MMP11: variants seen among roughly 807,000 people sequenced by gnomAD.
The protein encoded by MMP11 is matrix metallopeptidase 11.
MMP11 carries 26 observed loss-of-function variants against 49.5 expected under a neutral mutation model. The ratio of observed to expected loss-of-function variants is 0.52; its 90% CI spans 0.38 to 0.73. The LOEUF (loss-of-function observed/expected upper bound fraction) is 0.73, where lower values mean the gene tolerates loss of function less well. MMP11 is among the 30% of genes least tolerant of loss of function. The probability of loss-of-function intolerance (pLI) is 0.00; values close to 1 mark genes in which losing one functional copy is unlikely to be tolerated. For missense variants in MMP11, 624 were observed against 671.2 expected, an observed-to-expected ratio of 0.93 and a Z score of 0.78; for synonymous variants, 265 against 282.3, an observed-to-expected ratio of 0.94 and a Z score of 0.62.
In MMP11 at chr22:23,783,643, G is replaced by A. The variant is rs1421338584; in HGVS notation, c.*99G>A. Reference sequence around the variant, plus strand: ...CTTTGTGGCTGTGGGCACCAGGCATGGGACTGAGCCCATGTCTCCTCAGGG... The same window carrying A: ...CTTTGTGGCTGTGGGCACCAGGCATAGGACTGAGCCCATGTCTCCTCAGGG... On this transcript the variant is annotated 3_prime_UTR_variant, in exon 8 of 8. Coordinates refer to ENST00000215743, the MANE Select transcript of MMP11 (RefSeq NM_005940.5). 1 of 1,511,044 alleles carries A rather than the reference G, an allele frequency of 6.6e-7. No individual in the cohort carries two copies. The highest frequency in any genetic ancestry group is 9.1e-7 in the Non-Finnish European group (1 of 1,097,186). The allele number at this position is 1,511,044 out of a possible 1,614,324, so 93.6% of individuals were successfully genotyped here.
Position 23,772,981 on chromosome 22 carries a change from G to T in MMP11, c.108+3G>T. On this transcript the variant is annotated splice_donor_region_variant and intron_variant, in intron 1 of 7. Transcript: ENST00000215743. ...TGCTGGCCCGGGCTCTGCCGCCGGTGAGTGCCCGCCACTCGCCGGCCGCTC... is the reference window on the plus strand; with the variant it reads ...TGCTGGCCCGGGCTCTGCCGCCGGTTAGTGCCCGCCACTCGCCGGCCGCTC... 1 of 1,198,150 alleles carries T rather than the reference G, an allele frequency of 8.3e-7. No homozygotes were observed. The highest frequency in any genetic ancestry group is 1.0e-6 in the Non-Finnish European group (1 of 964,576). The allele number at this position is 1,198,150 out of a possible 1,614,324, so 74.2% of individuals were successfully genotyped here. A position where few individuals can be genotyped will look rare whatever the true frequency, so the allele number is the denominator to read the frequency against.
intron 1 of MMP11, among the ~76,000 whole-genome samples, chr22:23,774,567 G>A (rs571531709): frequency 2.7e-4 from 41 of 152,128 alleles, no homozygotes; most frequent in Non-Finnish European, 4.9e-4. Flanking sequence ...GCAGAGGGGT[G>A]AGAATAGGAA....
intron 1 of MMP11, among the ~76,000 whole-genome samples, chr22:23,773,362 C>G (rs1395452059): frequency 6.6e-6 from 1 of 152,210 alleles, no homozygotes; most frequent in Non-Finnish European, 1.5e-5. Context: ...AGGCAGGTGT[C>G]AGCCTGCAGG....
chr22:23,774,893 A>C (rs975411407), intron 1 of MMP11, among the ~76,000 whole-genome samples: 14 of 152,144 alleles, frequency 9.2e-5, no homozygotes, highest in African/African-American at 3.4e-4. Context: ...TCTGGATTGC[A>C]AGTTGACCCC....
Position 23,783,785 on chromosome 22 carries a change from G to A in MMP11, c.*241G>A, listed in dbSNP as rs1601377352. The A allele has an allele frequency of 5.3e-6, 3 of 569,884 alleles. No individual in the cohort carries two copies. Among genetic ancestry groups the A allele is most frequent in the Non-Finnish European group, 9.4e-6 (3 of 318,436 alleles). The allele number at this position is 569,884 out of a possible 1,614,324, so 35.3% of individuals were successfully genotyped here. A position where few individuals can be genotyped will look rare whatever the true frequency, so the allele number is the denominator to read the frequency against. On this transcript the variant is annotated 3_prime_UTR_variant, in exon 8 of 8. Transcript: ENST00000215743. ...AGGCTTTGGCATGACTTAAGAGGAA[G>A]GGCAGTCTTGGGCCCGCTATGCAGG...
intron 6 of MMP11, chr22:23,781,954 C>T (rs1277298148): frequency 7.4e-6 from 5 of 676,902 alleles, no homozygotes; most frequent in Non-Finnish European, 1.4e-5. Flanking sequence ...CAGCCAAATG[C>T]CAGTGGAAGG....
At position 23,779,662 on chromosome 22, in the gene MMP11, G is replaced by T. The variant is rs572385875; in HGVS notation, c.338+246G>T. 12 of 563,638 alleles carry T rather than the reference G, an allele frequency of 2.1e-5. No homozygotes were observed. In the East Asian group the frequency reaches 3.5e-4, roughly 16 times the overall value. 34.9% of individuals were successfully genotyped at this position (563,638 alleles called of 1,614,324 possible). ...AGCCTCCGTCATCATGCAAAGAGTC[G>T]CAGCACATGCCTGCGGACGGGTGTT... is the stretch of plus-strand genomic sequence containing the variant. On this transcript the variant is annotated intron_variant, in intron 2 of 7. Transcript: ENST00000215743.
At position 23,781,341 on chromosome 22, in the gene MMP11, G is replaced by A; in HGVS notation, c.1007G>A (p.Trp336Ter). The change falls in exon 6 of 8, where the codon TGG becomes TAG. Residue 336 changes from tryptophan (W) to a stop codon, truncating the protein, a stop_gained. Coordinates refer to ENST00000215743, the MANE Select transcript of MMP11 (RefSeq NM_005940.5). LOFTEE classifies it high-confidence loss of function. ...TACCCAGCATTGGCCTCTCGCCACT[G>A]GCAGGGACTGCCCAGCCCTGTGGAC... ...PGYPALASRH[W>*]QGLPSPVDAA... 6.2e-7 allele frequency: 1 copy of A among 1,613,474 alleles called. No individual in the cohort carries two copies. Among genetic ancestry groups the A allele is most frequent in the Non-Finnish European group, 8.5e-7 (1 of 1,179,918 alleles).
intron 5 of MMP11, 33 bp from the exon 6 acceptor site, chr22:23,781,160 G>T: frequency 6.2e-7 from 1 of 1,609,126 alleles, no homozygotes. Flanking sequence ...TGCAGCATAT[G>T]CCCTCAGCAT....
intron 1 of MMP11, among the ~76,000 whole-genome samples, chr22:23,774,229 T>A (rs1263230311): frequency 6.6e-6 from 1 of 152,188 alleles, no homozygotes; most frequent in East Asian, 1.9e-4. Context: ...TGGTGCCTAC[T>A]GCTGTGTCCA....
At position 23,772,859 on chromosome 22, in the gene MMP11, G is replaced by A; in HGVS notation, c.-12G>A. The A allele has an allele frequency of 8.7e-7, 1 of 1,152,046 alleles. No homozygotes were observed. Among genetic ancestry groups the A allele is most frequent in the Non-Finnish European group, 1.1e-6 (1 of 936,862 alleles). The allele number at this position is 1,152,046 out of a possible 1,614,324, so 71.4% of individuals were successfully genotyped here. A position where few individuals can be genotyped will look rare whatever the true frequency, so the allele number is the denominator to read the frequency against. On this transcript the variant is annotated 5_prime_UTR_variant, in exon 1 of 8. Transcript: ENST00000215743. The stretch of plus-strand genomic sequence containing the variant: ...CCGGAGCGGCCCAGCAAGCCCAGCA[G>A]CCCCGGGGCGGATGGCTCCGGCCGC...
At chr22:23,783,279 C>G in intron 7 of MMP11, 132 bp from the exon 8 acceptor site, 1 of 1,074,036 alleles carries the variant, frequency 9.3e-7, no homozygotes, top group Non-Finnish European at 1.3e-6. Context: ...TCCTGCAGGA[C>G]TCGAGGAACT....
chr22:23,780,575 T>A lies in MMP11; in HGVS notation c.483-7T>A. 1 of 1,608,472 alleles carries A rather than the reference T, an allele frequency of 6.2e-7. No individual in the cohort carries two copies. Among genetic ancestry groups the A allele is most frequent in the African/African-American group, 1.3e-5 (1 of 74,908 alleles). ...CAGCCACTGACCCCGCCCCCACCCA[T>A]CTGTAGGTACTGGCATGGGGACGAC... On this transcript the variant is annotated splice_region_variant and splice_polypyrimidine_tract_variant and intron_variant, in intron 3 of 7. Coordinates refer to ENST00000215743, the MANE Select transcript of MMP11 (RefSeq NM_005940.5). The surrounding 1 kb of genome is among the most constrained non-coding windows in gnomAD (Gnocchi z 4.6).
chr22:23,775,932 C>T (rs1927395996), intron 1 of MMP11, among the ~76,000 whole-genome samples: 1 of 152,198 alleles, frequency 6.6e-6, no homozygotes, highest in East Asian at 1.9e-4. Context: ...TCATGTAGCC[C>T]TTTGCTGTGG....
chr22:23,781,908 GCAGGGGCC>G, intron 6 of MMP11: 1 of 655,834 alleles, frequency 1.5e-6, no homozygotes. Context: ...AGTCCAGCCT[GCAGGGGCC>G]CAGGGAGTGG....
Position 23,772,938 on chromosome 22 carries a change from T to TGCTCCAGCCGCCGCC in MMP11, c.72_86dup (p.Gln25_Leu29dup). On this transcript the variant is annotated inframe_insertion, in exon 1 of 8. Coordinates refer to ENST00000215743, the MANE Select transcript of MMP11 (RefSeq NM_005940.5). Reference sequence around the variant, plus strand: ...CTCCTGCCCCCGATGCTGCTGCTGCTGCTCCAGCCGCCGCCGCTGCTGGCC... The same window carrying TGCTCCAGCCGCCGCC: ...CTCCTGCCCCCGATGCTGCTGCTGCTGCTCCAGCCGCCGCCGCTCCAGCCGCCGCCGCTGCTGGCC... 1.6e-6 allele frequency: 2 copies of TGCTCCAGCCGCCGCC among 1,215,124 alleles called. No homozygotes were observed. Among genetic ancestry groups the TGCTCCAGCCGCCGCC allele is most frequent in the Non-Finnish European group, 2.1e-6 (2 of 973,468 alleles). The allele number at this position is 1,215,124 out of a possible 1,614,324, so 75.3% of individuals were successfully genotyped here. A position where few individuals can be genotyped will look rare whatever the true frequency, so the allele number is the denominator to read the frequency against.
chr22:23,779,662 GC>G, intron 2 of MMP11: 1 of 563,638 alleles, frequency 1.8e-6, no homozygotes, highest in South Asian at 2.4e-5. Flanking sequence ...GCAAAGAGTC[GC>G]AGCACATGCC....
intron 6 of MMP11, 49 bp downstream of exon 6, chr22:23,781,458 T>G: frequency 6.6e-7 from 1 of 1,507,844 alleles, no homozygotes; most frequent in Non-Finnish European, 9.0e-7. Context: ...GAGCCAGGAA[T>G]GTTATGGCCA....
chr22:23,778,846 C>G (rs1263253954), intron 1 of MMP11, among the ~76,000 whole-genome samples: 2 of 152,168 alleles, frequency 1.3e-5, no homozygotes, highest in African/African-American at 4.8e-5. Context: ...TCGGAGGAAG[C>G]TTTTTGGGGT....
Sources: allele counts gnomAD v4.1 joint callset (sites outside exome capture counted in the v4.1 genomes callset), GRCh38; gene constraint gnomAD v4.1.1; non-coding constraint Gnocchi (gnomAD v3.1); transcripts MANE v1.5; gene names NCBI Gene and HGNC (gene_info 2026-07-23, HGNC 2026-07-21).